Variants in SRCAP observed in about 807,000 individuals in gnomAD.
SRCAP encodes the protein Snf2 related CREBBP activator protein, also known as chromatin remodeling protein SRCAP.
A neutral mutation model predicts 263.1 loss-of-function variants in SRCAP; 46 were observed. The ratio of observed to expected loss-of-function variants is 0.17; its 90% confidence interval spans 0.14 to 0.22. The LOEUF (loss-of-function observed/expected upper bound fraction) is 0.22. SRCAP is among the 10% of genes least tolerant of loss of function. The pLI, the probability that SRCAP is intolerant of heterozygous loss-of-function variation, is 1.00. For synonymous variants in SRCAP, 1,813 were observed against 1,662.1 expected, an observed-to-expected ratio of 1.09 and a Z score of -2.21; for missense variants, 3,695 against 4,181.9, an observed-to-expected ratio of 0.88 and a Z score of 3.21.
chr16:30,736,313 G>A lies in SRCAP; in HGVS notation c.6843G>A (p.Glu2281=). Residue 2281 remains glutamate, a synonymous_variant, in exon 32 of 34, where the codon GAG becomes GAA. Transcript: ENST00000262518. The stretch of plus-strand genomic sequence containing the variant: ...AGAACGATGGGTTTCCTGCTGGTGA[G>A]GGAGAGGAAGCTGGCCGGCCTGGGG... ...FNENDGFPAG[E]GEEAGRPGAE... 6.2e-7 allele frequency: 1 copy of A among 1,614,176 alleles called. No individual in the cohort carries two copies. The highest frequency in any genetic ancestry group is 8.5e-7 in the Non-Finnish European group (1 of 1,180,030).
At chr16:30,705,624 C>T (rs2052818383) in intron 4 of SRCAP, among the ~76,000 whole-genome samples, 1 of 151,570 alleles carries the variant, frequency 6.6e-6, no homozygotes, top group Non-Finnish European at 1.5e-5. Context: ...TGGTCTTGAT[C>T]TCTTGACCTT....
chr16:30,730,826 C>T (rs1442711631), intron 27 of SRCAP, among the ~76,000 whole-genome samples: 3 of 151,108 alleles, frequency 2.0e-5, no homozygotes, highest in Non-Finnish European at 4.4e-5. Context: ...CACCACAACG[C>T]CTGGGTGATT....
In SRCAP at chr16:30,711,033, A is replaced by G; in HGVS notation, c.1263A>G (p.Glu421=). 1 of 1,614,108 alleles carries G rather than the reference A, an allele frequency of 6.2e-7. No individual in the cohort carries two copies. Residue 421 remains glutamate, a synonymous_variant, in exon 10 of 34, where the codon GAA becomes GAG. Coordinates refer to ENST00000262518, the MANE Select transcript of SRCAP (RefSeq NM_006662.3). ...AAGAGGATACTATAGCAGCTGAGGA[A>G]CAGTTGGAAGGGGAGGTGGATCATG... is the stretch of plus-strand genomic sequence containing the variant. ...EDEEDTIAAE[E]QLEGEVDHAM...
In SRCAP at chr16:30,738,363, A is replaced by G. The variant is rs1381623311; in HGVS notation, c.8323A>G (p.Ser2775Gly). 6.4e-7 allele frequency: 1 copy of G among 1,566,392 alleles called. No homozygotes were observed. The highest frequency in any genetic ancestry group is 8.6e-7 in the Non-Finnish European group (1 of 1,156,128). Reference protein sequence around the residue: ...RRRRQQRGAASTLVPGVSETS... With the variant: ...RRRRQQRGAAGTLVPGVSETS... ...GCGGCGGCAGCAGCGGGGAGCTGCCAGCACCCTAGTGCCTGGGGTCTCTGA... is the reference window on the plus strand; with the variant it reads ...GCGGCGGCAGCAGCGGGGAGCTGCCGGCACCCTAGTGCCTGGGGTCTCTGA... Residue 2775 changes from serine (S) to glycine (G), a missense_variant, in exon 34 of 34, where the codon AGC becomes GGC. This residue lies in a region of SRCAP where 1,207 missense variants were observed against 1,142.9 expected (regional missense o/e 1.06). Transcript: ENST00000262518.
chr16:30,713,719 C>G lies in SRCAP; in HGVS notation c.2493+8C>G. On this transcript the variant is annotated splice_region_variant and intron_variant, in intron 16 of 33. Coordinates refer to ENST00000262518, the MANE Select transcript of SRCAP (RefSeq NM_006662.3). ...GTCAAACGCCTCCACAAGGTAGGGC[C>G]TGCAACAGTTTGTCAGGGTATTGGG... 1 of 1,612,950 alleles carries G rather than the reference C, an allele frequency of 6.2e-7. No homozygotes were observed. Among genetic ancestry groups the G allele is most frequent in the East Asian group, 2.2e-5 (1 of 44,878 alleles).
rs1386474055 is a variant in SRCAP at position 30,730,808 on chromosome 16, C to G, written c.6127+1236C>G. Among the ~76,000 whole-genome samples the G allele has an allele frequency of 2.0e-5, 3 of 150,214 alleles. No homozygotes were observed. The East Asian group carries it at 5.9e-4, about 30-fold the overall frequency. On this transcript the variant is annotated intron_variant, in intron 27 of 33. Transcript: ENST00000262518. ...TCAGCCTCCCGAGTAGCTGGGATTA[C>G]AGGTGCCCACCACAACGCCTGGGTG...
Position 30,711,905 on chromosome 16 carries a change from A to G in SRCAP, c.1563A>G (p.Ser521=), listed in dbSNP as rs2052896772. The stretch of plus-strand genomic sequence containing the variant: ...AGGAGGAAGAAACAAGTGGAAGTTC[A>G]GCATCAGAGGAATCTGAGTCTGAAG... ...HSEEEETSGS[S]ASEESESEES... Residue 521 remains serine, a synonymous_variant, in exon 12 of 34, where the codon TCA becomes TCG. Coordinates refer to ENST00000262518, the MANE Select transcript of SRCAP (RefSeq NM_006662.3). The G allele has an allele frequency of 2.5e-6, 4 of 1,613,976 alleles. No homozygotes were observed. The highest frequency in any genetic ancestry group is 3.4e-6 in the Non-Finnish European group (4 of 1,180,018).
Position 30,736,414 on chromosome 16 carries a change from G to T in SRCAP, c.6924+20G>T. On this transcript the variant is annotated intron_variant, in intron 32 of 33. Coordinates refer to ENST00000262518, the MANE Select transcript of SRCAP (RefSeq NM_006662.3). ...GAACAGGTCAGTGCTGGACCCACTA[G>T]TTCTTGACTTTACTGCTTCCCCTGG... The T allele has an allele frequency of 6.2e-7, 1 of 1,605,214 alleles. No individual in the cohort carries two copies. Among genetic ancestry groups the T allele is most frequent in the Non-Finnish European group, 8.5e-7 (1 of 1,173,768 alleles).
At chr16:30,709,429 AAAG>A in intron 6 of SRCAP, 81 bp from the exon 7 acceptor site, 5 of 1,454,666 alleles carry the variant, frequency 3.4e-6, no homozygotes, top group Non-Finnish European at 4.8e-6. Flanking sequence ...GGATCTGGTT[AAAG>A]AAGGTCTCCC....
chr16:30,723,271 G>A, intron 24 of SRCAP, 42 bp downstream of exon 24: 1 of 1,562,264 alleles, frequency 6.4e-7, no homozygotes, highest in Non-Finnish European at 8.7e-7. Flanking sequence ...TGCCAGGAAT[G>A]GAGACGAGAT....
rs397854666 is a variant in SRCAP, at chr16:30,740,075, C to CT, written c.*358dup. 539 of 147,650 alleles carry CT rather than the reference C, an allele frequency of 3.7e-3. 1 individual carries two copies. Among genetic ancestry groups the CT allele is most frequent in the Middle Eastern group, 0.016 (5 of 310 alleles). The allele number at this position is 147,650 out of a possible 1,614,324, so 9.1% of individuals were successfully genotyped here. ...GGCTTCTCTACAATGAGGTTTTTTT[C>CT]TTTTTTTTTTTTTTTTAAGAAGAAA... On this transcript the variant is annotated 3_prime_UTR_variant, in exon 34 of 34. Coordinates refer to ENST00000262518, the MANE Select transcript of SRCAP (RefSeq NM_006662.3).
Position 30,733,258 on chromosome 16 carries a change from G to T in SRCAP, c.6128-22G>T, listed in dbSNP as rs781546770. 6.2e-7 allele frequency: 1 copy of T among 1,610,976 alleles called. No individual in the cohort carries two copies. The highest frequency in any genetic ancestry group is 8.5e-7 in the Non-Finnish European group (1 of 1,179,404). On this transcript the variant is annotated intron_variant, in intron 27 of 33. Transcript: ENST00000262518. The surrounding 1 kb of genome is among the most constrained non-coding windows in gnomAD (Gnocchi z 5.3). ...CATTGCGGCTTGTAGCTAGCTCCCT[G>T]TATCCCTTCATATCTCTTTAGGAAA...
chr16:30,700,292 C>T (rs142919651), intron 2 of SRCAP, among the ~76,000 whole-genome samples: 16 of 152,300 alleles, frequency 1.1e-4, no homozygotes, highest in African/African-American at 3.4e-4. Context: ...GTCTTAACTT[C>T]GTAACTTACA....
At chr16:30,702,764 C>T (rs2052782716) in intron 3 of SRCAP, among the ~76,000 whole-genome samples, 1 of 151,312 alleles carries the variant, frequency 6.6e-6, no homozygotes, top group South Asian at 2.1e-4. Flanking sequence ...CGCCACCACA[C>T]GTGGCTAATT....
Position 30,724,114 on chromosome 16 carries a change from A to T in SRCAP, c.4690A>T (p.Asn1564Tyr), listed in dbSNP as rs1394676011. ...ALASPFPSAP[N>Y]PAPAQASLLA... Reference sequence around the variant, plus strand: ...GGCCAGTCCTTTTCCGTCAGCACCAAATCCAGCTCCAGCTCAGGCTTCCCT... The same window carrying T: ...GGCCAGTCCTTTTCCGTCAGCACCATATCCAGCTCCAGCTCAGGCTTCCCT... Residue 1564 changes from asparagine to tyrosine, a missense_variant, in exon 25 of 34, where the codon AAT becomes TAT. Asn to Tyr is a moderately radical substitution (Grantham distance 143). Around this residue, in one of 12 missense-constraint regions of SRCAP, gnomAD observed 1,347 missense variants for 1,304.4 expected, o/e 1.03. Coordinates refer to ENST00000262518, the MANE Select transcript of SRCAP (RefSeq NM_006662.3). The T allele has an allele frequency of 6.2e-7, 1 of 1,613,726 alleles. No homozygotes were observed. Among genetic ancestry groups the T allele is most frequent in the Admixed American group, 1.7e-5 (1 of 60,016 alleles).
intron 3 of SRCAP, among the ~76,000 whole-genome samples, chr16:30,701,087 G>A (rs1050612992): frequency 1.1e-4 from 16 of 152,110 alleles, no homozygotes; most frequent in Admixed American, 8.5e-4. Flanking sequence ...AAAGCGCCTC[G>A]TTACCTGAAA....
At chr16:30,705,281 CAGTG>C (rs914819705) in intron 4 of SRCAP, among the ~76,000 whole-genome samples, 1 of 152,156 alleles carries the variant, frequency 6.6e-6, no homozygotes, top group Non-Finnish European at 1.5e-5. Flanking sequence ...GCCTGGGTAA[CAGTG>C]AGACTCTGTC....
chr16:30,714,934 GTCT>G (rs2052931861), intron 16 of SRCAP, among the ~76,000 whole-genome samples: 2 of 152,050 alleles, frequency 1.3e-5, no homozygotes, highest in South Asian at 4.1e-4. Context: ...TCTCTCTCTG[GTCT>G]TCTTTGGCTC....
intron 3 of SRCAP, among the ~76,000 whole-genome samples, chr16:30,703,588 G>A (rs1283882327): frequency 6.6e-6 from 1 of 151,754 alleles, no homozygotes; most frequent in Non-Finnish European, 1.5e-5. Flanking sequence ...CTGCCATCTT[G>A]AGTCCCTTAT....
Sources: allele counts gnomAD v4.1 joint callset (sites outside exome capture counted in the v4.1 genomes callset), GRCh38; gene constraint gnomAD v4.1.1; regional missense constraint gnomAD v4.1.1; non-coding constraint Gnocchi (gnomAD v3.1); transcripts MANE v1.5; gene names NCBI Gene and HGNC (gene_info 2026-07-23, HGNC 2026-07-21).